Variants in SORCS3 observed in about 807,000 individuals in gnomAD.
SORCS3 encodes VPS10 domain-containing receptor SorCS3.
Under a neutral mutation model 146.3 loss-of-function variants are expected in SORCS3, and 57 were observed. That is an observed-to-expected ratio of 0.39 (90% confidence interval 0.31 to 0.49). SORCS3 has a LOEUF of 0.49. SORCS3 is among the 20% of genes least tolerant of loss of function. SORCS3 has a pLI of 0.92. For missense variants in SORCS3, 1,341 were observed against 1,575.5 expected (o/e 0.85, Z 2.52); for synonymous variants, 653 against 618.5 (o/e 1.06, Z -0.83).
chr10:105,033,441 T>G (rs1161834273), intron 4 of SORCS3, among the ~76,000 whole-genome samples: 2 of 152,182 alleles, frequency 1.3e-5, no homozygotes, highest in Admixed American at 1.3e-4. Context: ...AAAAGAACTG[T>G]CCAGGTTATC....
At chr10:104,998,995 G>A (rs1417046377) in intron 4 of SORCS3, among the ~76,000 whole-genome samples, 1 of 152,186 alleles carries the variant, frequency 6.6e-6, no homozygotes, top group Non-Finnish European at 1.5e-5. Context: ...GATGATGTGT[G>A]AATGATGACA....
intron 3 of SORCS3, among the ~76,000 whole-genome samples, chr10:104,932,666 A>G (rs2019219188): frequency 6.6e-6 from 1 of 152,092 alleles, no homozygotes; most frequent in African/African-American, 2.4e-5. Flanking sequence ...TGTTAGTTCT[A>G]TGCTTTGAAC....
chr10:104,687,920 C>G (rs1334608), intron 1 of SORCS3, among the ~76,000 whole-genome samples: 3 of 152,006 alleles, frequency 2.0e-5, no homozygotes, highest in Non-Finnish European at 4.4e-5. Flanking sequence ...TTTGCTTTCA[C>G]AGTGCCTGGC....
chr10:105,188,226 AT>A (rs2056491443), intron 14 of SORCS3, among the ~76,000 whole-genome samples: 1 of 152,122 alleles, frequency 6.6e-6, no homozygotes, highest in African/African-American at 2.4e-5. Flanking sequence ...TGAGGCTTTT[AT>A]TTTCTTATCT....
At chr10:104,996,363 T>A (rs536106076) in intron 4 of SORCS3, among the ~76,000 whole-genome samples, 1 of 152,336 alleles carries the variant, frequency 6.6e-6, no homozygotes, top group East Asian at 1.9e-4. Context: ...TTTAGTTTCC[T>A]TTTAATTTGA....
chr10:105,046,929 A>T (rs1049304155), intron 5 of SORCS3, among the ~76,000 whole-genome samples: 1 of 152,110 alleles, frequency 6.6e-6, no homozygotes, highest in African/African-American at 2.4e-5. Flanking sequence ...TGTAATTTGC[A>T]TGGAGAGCAG....
Position 104,743,143 on chromosome 10 carries a change from G to A in SORCS3, c.628-99649G>A, listed in dbSNP as rs2016869662. 3.3e-5 allele frequency among the ~76,000 whole-genome samples: 5 copies of A among 152,118 alleles called. No homozygotes were observed. In the South Asian group the frequency reaches 1.0e-3, roughly 32 times the overall value. On this transcript the variant is annotated intron_variant, in intron 1 of 26. Coordinates refer to ENST00000369701, the MANE Select transcript of SORCS3 (RefSeq NM_014978.3). ...AAAATGCACTATACAAGTGAGTTAG[G>A]GAACTTGGCTCTTCAGACTCTAAAG... is the stretch of plus-strand genomic sequence containing the variant.
intron 1 of SORCS3, among the ~76,000 whole-genome samples, chr10:104,761,315 G>A (rs2017119675): frequency 3.3e-5 from 5 of 152,102 alleles, no homozygotes; most frequent in Admixed American, 3.3e-4. Context: ...AATATTCATG[G>A]GTATTTTTCT....
intron 3 of SORCS3, among the ~76,000 whole-genome samples, chr10:104,949,809 T>G (rs1173387908): frequency 2.0e-5 from 3 of 152,234 alleles, no homozygotes; most frequent in Non-Finnish European, 4.4e-5. Context: ...AATGGTGAAT[T>G]TATTTCCTTA....
intron 14 of SORCS3, among the ~76,000 whole-genome samples, chr10:105,188,026 TGAGTAAAA>T (rs2056490391): frequency 6.6e-6 from 1 of 151,988 alleles, no homozygotes; most frequent in South Asian, 2.1e-4. Context: ...TGTGTGTAAC[TGAGTAAAA>T]GAGAGAAAAA....
In SORCS3 at chr10:104,777,761, T is replaced by G. The variant is rs145980398; in HGVS notation, c.628-65031T>G. On this transcript the variant is annotated intron_variant, in intron 1 of 26. Transcript: ENST00000369701. The stretch of plus-strand genomic sequence containing the variant: ...GTGTGTGAGTGTGTGTCGGGGGTAG[T>G]GTATTTGAAAGAGATTAGGGCTCAG... Among the ~76,000 whole-genome samples, 165 of 152,202 alleles carry G rather than the reference T, an allele frequency of 1.1e-3. 1 individual carries two copies. The highest frequency in any genetic ancestry group is 3.4e-3 in the Middle Eastern group (1 of 294).
chr10:105,135,146 C>A (rs1180155760), intron 7 of SORCS3, among the ~76,000 whole-genome samples: 1 of 152,206 alleles, frequency 6.6e-6, no homozygotes, highest in East Asian at 1.9e-4. Context: ...ACCTTCCAGG[C>A]CATGGGGTGA....
chr10:105,169,545 A>C (rs1338341196), intron 13 of SORCS3, among the ~76,000 whole-genome samples: 2 of 152,090 alleles, frequency 1.3e-5, no homozygotes, highest in East Asian at 3.9e-4. Flanking sequence ...GGAAAGAAGA[A>C]ACTTTGACCG....
At chr10:105,010,445 GA>G (rs1261662925) in intron 4 of SORCS3, among the ~76,000 whole-genome samples, 1 of 152,238 alleles carries the variant, frequency 6.6e-6, no homozygotes, top group Non-Finnish European at 1.5e-5. Flanking sequence ...CAAATTGACA[GA>G]AGGCATCTTA....
At chr10:105,148,168 A>G (rs988181319) in intron 9 of SORCS3, among the ~76,000 whole-genome samples, 8 of 151,962 alleles carry the variant, frequency 5.3e-5, no homozygotes, top group Non-Finnish European at 1.0e-4. Context: ...GAATGGAGGG[A>G]GTGGTGCTAC....
chr10:105,263,209 A>T, intron 26 of SORCS3, 101 bp from the exon 27 acceptor site: 2 of 1,062,050 alleles, frequency 1.9e-6, no homozygotes, highest in Admixed American at 4.3e-5. Flanking sequence ...CCTATTAAGC[A>T]CCTGTTCTGG....
intron 1 of SORCS3, among the ~76,000 whole-genome samples, chr10:104,703,185 A>G (rs1215530379): frequency 6.6e-6 from 1 of 152,222 alleles, no homozygotes. Flanking sequence ...CAGTTTAGAT[A>G]AAATGATTCG....
At chr10:105,015,956 C>G (rs1041070922) in intron 4 of SORCS3, among the ~76,000 whole-genome samples, 3 of 150,920 alleles carry the variant, frequency 2.0e-5, no homozygotes, top group Non-Finnish European at 3.0e-5. Flanking sequence ...CCTCAAACTC[C>G]TGACTTCGTG....
chr10:105,243,617 A>G (rs907438480), intron 20 of SORCS3, among the ~76,000 whole-genome samples: 3 of 152,210 alleles, frequency 2.0e-5, no homozygotes, highest in African/African-American at 7.2e-5. Context: ...TAAGTATGGG[A>G]AAGAATGCCT....
Sources: allele counts gnomAD v4.1 joint callset (sites outside exome capture counted in the v4.1 genomes callset), GRCh38; gene constraint gnomAD v4.1.1; transcripts MANE v1.5; gene names NCBI Gene and HGNC (gene_info 2026-07-23, HGNC 2026-07-21).